The following IL6ST variants were observed in gnomAD, a reference collection of about 807,000 sequenced individuals.
IL6ST encodes interleukin-6 receptor subunit beta.
A neutral mutation model predicts 91.3 loss-of-function variants in IL6ST; 24 were observed. That is an observed-to-expected ratio of 0.26 (90% CI 0.19 to 0.37). The LOEUF (loss-of-function observed/expected upper bound fraction) is 0.37. Ranked by LOEUF, IL6ST falls within the 10% of genes least tolerant of loss-of-function variation. IL6ST has a pLI of 1.00. For missense variants in IL6ST, 914 were observed against 1,078.5 expected, an observed-to-expected ratio of 0.85 and a Z score of 2.14; for synonymous variants, 351 against 373.6, an observed-to-expected ratio of 0.94 and a Z score of 0.70.
At chr5:55,954,381 CAT>C (rs1320924327) in intron 11 of IL6ST, among the ~76,000 whole-genome samples, 5 of 152,170 alleles carry the variant, frequency 3.3e-5, no homozygotes, top group African/African-American at 9.7e-5. Context: ...AATTGAAAGA[CAT>C]AAGGAAATCT....
Position 55,957,162 on chromosome 5 carries a change from A to C in IL6ST, c.1056+47T>G, listed in dbSNP as rs202135765. On this transcript the variant is annotated intron_variant, in intron 9 of 16. Transcript: ENST00000381298. ...ATGGAGCGAGACTCGGTTTCAAAAA[A>C]AAAAAAAAAGATTTATAAGAGATAA... 3.7e-6 allele frequency: 4 copies of C among 1,095,046 alleles called. No homozygotes were observed. In the Admixed American group the frequency reaches 9.6e-5, roughly 26 times the overall value. The allele number at this position is 1,095,046 out of a possible 1,614,324, so 67.8% of individuals were successfully genotyped here. A position where few individuals can be genotyped will look rare whatever the true frequency, so the allele number is the denominator to read the frequency against.
At chr5:55,979,909 CAAAACCATGT>C (rs906732123) in intron 2 of IL6ST, among the ~76,000 whole-genome samples, 17 of 152,032 alleles carry the variant, frequency 1.1e-4, no homozygotes, top group African/African-American at 4.1e-4. Context: ...GATGGTATAC[CAAAACCATGT>C]AAATGTAAAT....
chr5:55,956,464 A>G (rs1342104841), intron 9 of IL6ST, among the ~76,000 whole-genome samples: 2 of 152,220 alleles, frequency 1.3e-5, no homozygotes, highest in Non-Finnish European at 2.9e-5. Flanking sequence ...TCATTCCGTT[A>G]GCTTTTGGTT....
intron 9 of IL6ST, among the ~76,000 whole-genome samples, 190 bp downstream of exon 9, chr5:55,957,019 G>A (rs749422213): frequency 3.9e-5 from 6 of 152,118 alleles, no homozygotes; most frequent in African/African-American, 9.6e-5. Flanking sequence ...TTAGCGGGGC[G>A]TGGTGGCGCA....
rs558125057 is a variant in IL6ST at position 55,968,480 on chromosome 5, A to G, written c.371-84T>C. Reference sequence around the variant, plus strand: ...TTATATACTACCCAAGGCATTTGCGATCTAAATTAGATGAAAAAAATCAAA... The same window carrying G: ...TTATATACTACCCAAGGCATTTGCGGTCTAAATTAGATGAAAAAAATCAAA... On this transcript the variant is annotated intron_variant, in intron 4 of 16. Coordinates refer to ENST00000381298, the MANE Select transcript of IL6ST (RefSeq NM_002184.4). 2.3e-6 allele frequency: 3 copies of G among 1,295,754 alleles called. No individual in the cohort carries two copies. In the South Asian group the frequency reaches 3.9e-5, roughly 17 times the overall value. The allele number at this position is 1,295,754 out of a possible 1,614,324, so 80.3% of individuals were successfully genotyped here. A position where few individuals can be genotyped will look rare whatever the true frequency, so the allele number is the denominator to read the frequency against.
At chr5:55,971,147 CTTA>C (rs1389367242) in intron 3 of IL6ST, among the ~76,000 whole-genome samples, 4 of 152,086 alleles carry the variant, frequency 2.6e-5, no homozygotes, top group Non-Finnish European at 4.4e-5. Flanking sequence ...TCTTTTCAAA[CTTA>C]TTATTTTTTA....
At chr5:55,964,534 A>G (rs1308596140) in intron 5 of IL6ST, among the ~76,000 whole-genome samples, 3 of 152,202 alleles carry the variant, frequency 2.0e-5, no homozygotes, top group African/African-American at 7.2e-5. Flanking sequence ...TTGTAGTCTA[A>G]AAATATTGTG....
rs375305135 is a variant in IL6ST at position 55,938,593 on chromosome 5, T to C, written c.*2489A>G. The C allele has an allele frequency of 9.1e-5, 18 of 197,654 alleles. No homozygotes were observed. In the South Asian group the frequency reaches 3.4e-3, roughly 38 times the overall value. The allele number at this position is 197,654 out of a possible 1,614,324, so 12.2% of individuals were successfully genotyped here. On this transcript the variant is annotated 3_prime_UTR_variant, in exon 17 of 17. Coordinates refer to ENST00000381298, the MANE Select transcript of IL6ST (RefSeq NM_002184.4). ...GTGCTATTACTTTAAACACCACTTT[T>C]GGACACTAAAGATTTAAAGTGATAA...
At chr5:55,969,223 G>A (rs370611288) in intron 4 of IL6ST, among the ~76,000 whole-genome samples, 5 of 151,806 alleles carry the variant, frequency 3.3e-5, no homozygotes, top group South Asian at 2.1e-4. Context: ...GTATTTGTTC[G>A]CTTTCTTCAG....
chr5:55,950,571 GAGA>G (rs1449929632), intron 14 of IL6ST, among the ~76,000 whole-genome samples: 13 of 148,626 alleles, frequency 8.7e-5, no homozygotes, highest in South Asian at 4.3e-4. Context: ...GCAAAAAAAG[GAGA>G]AGAAGAAGAA....
rs1754564164 is a variant in IL6ST at position 55,994,834 on chromosome 5, T to C, written c.-154A>G. On this transcript the variant is annotated 5_prime_UTR_variant, in exon 1 of 17. Transcript: ENST00000381298. ...CGCGTCTCCACAGCGCACGAACCCC[T>C]TGGCGCCAGGCTGGGCCAGACCCGT... 6.6e-6 allele frequency: 1 copy of C among 152,390 alleles called. No homozygotes were observed. Among genetic ancestry groups the C allele is most frequent in the South Asian group, 2.1e-4 (1 of 4,820 alleles). The allele number at this position is 152,390 out of a possible 1,614,324, so 9.4% of individuals were successfully genotyped here.
At chr5:55,991,943 C>G (rs185382864) in intron 1 of IL6ST, among the ~76,000 whole-genome samples, 202 of 152,238 alleles carry the variant, frequency 1.3e-3, no homozygotes, top group Non-Finnish European at 2.5e-3. Flanking sequence ...ATTTATAATT[C>G]GGTCTTATCT....
chr5:55,957,817 A>AT (rs1752079683), intron 8 of IL6ST, among the ~76,000 whole-genome samples: 1 of 151,846 alleles, frequency 6.6e-6, no homozygotes, highest in Non-Finnish European at 1.5e-5. Flanking sequence ...AGTTAATATG[A>AT]TTTTTTAAAG....
At chr5:55,970,773 G>A (rs1193598374) in intron 3 of IL6ST, among the ~76,000 whole-genome samples, 9 of 152,132 alleles carry the variant, frequency 5.9e-5, no homozygotes, top group Admixed American at 1.3e-4. Flanking sequence ...TGGGTGTCAT[G>A]GTGGGCACCT....
intron 15 of IL6ST, among the ~76,000 whole-genome samples, chr5:55,943,770 G>GA (rs372670469): frequency 2.3e-4 from 34 of 150,830 alleles, no homozygotes; most frequent in African/African-American, 6.8e-4. Flanking sequence ...TAGTAAAGGG[G>GA]AAAAAAAAAC....
At position 55,951,586 on chromosome 5, in the gene IL6ST, G is replaced by A. The variant is rs1751637458; in HGVS notation, c.1718C>T (p.Ser573Phe). 3 of 1,609,662 alleles carry A rather than the reference G, an allele frequency of 1.9e-6. No homozygotes were observed. Among genetic ancestry groups the A allele is most frequent in the Admixed American group, 1.7e-5 (1 of 58,946 alleles). Residue 573 changes from serine to phenylalanine, a missense_variant, in exon 14 of 17, where the codon TCC becomes TTC. Transcript: ENST00000381298. ...AGAGGACAATGTATATTCTGTGTGG[G>A]AAGAATCCACATTCACAGCTGGAAG... ...GNETAVNVDSSHTEYTLSSLT... is the reference protein window; with the variant it reads ...GNETAVNVDSFHTEYTLSSLT...
At chr5:55,942,474 T>C (rs1311933332) in intron 16 of IL6ST, among the ~76,000 whole-genome samples, 196 bp downstream of exon 16, 2 of 152,188 alleles carry the variant, frequency 1.3e-5, no homozygotes, top group Non-Finnish European at 2.9e-5. Context: ...ACCCCTAAAA[T>C]ATGTCATACA....
At position 55,935,760 on chromosome 5, in the gene IL6ST, A is replaced by AAT. The variant is rs1416865148; in HGVS notation, c.*5321_*5322insAT. ...AAGTGTAGAAGTTTGTATTAATTTA[A>AAT]AAAGAAAAAGCTTAAATGGAAAGTT... On this transcript the variant is annotated 3_prime_UTR_variant, in exon 17 of 17. Coordinates refer to ENST00000381298, the MANE Select transcript of IL6ST (RefSeq NM_002184.4). 3 of 217,200 alleles carry AAT rather than the reference A, an allele frequency of 1.4e-5. No homozygotes were observed. The East Asian group carries it at 2.1e-4, about 15-fold the overall frequency. The allele number at this position is 217,200 out of a possible 1,614,324, so 13.5% of individuals were successfully genotyped here. A position where few individuals can be genotyped will look rare whatever the true frequency, so the allele number is the denominator to read the frequency against.
chr5:55,940,722 G>T lies in IL6ST; in HGVS notation c.*360C>A. 1 of 269,084 alleles carries T rather than the reference G, an allele frequency of 3.7e-6. No homozygotes were observed. The highest frequency in any genetic ancestry group is 7.1e-6 in the Non-Finnish European group (1 of 140,294). The allele number at this position is 269,084 out of a possible 1,614,324, so 16.7% of individuals were successfully genotyped here. On this transcript the variant is annotated 3_prime_UTR_variant, in exon 17 of 17. Coordinates refer to ENST00000381298, the MANE Select transcript of IL6ST (RefSeq NM_002184.4). ...TATTCTAATCAAAATCAGTATAGCTGTGCTCACTAAGCATATCACTGCTTA... is the reference window on the plus strand; with the variant it reads ...TATTCTAATCAAAATCAGTATAGCTTTGCTCACTAAGCATATCACTGCTTA...
Sources: gnomAD v4.1 joint callset for allele counts (sites outside exome capture counted in the v4.1 genomes callset) on GRCh38, gnomAD v4.1.1 for gene constraint, MANE v1.5 for transcripts, NCBI Gene and HGNC (gene_info 2026-07-23, HGNC 2026-07-21) for gene names.